ARMH1: variants seen among roughly 807,000 people sequenced by gnomAD.
The protein encoded by ARMH1 is armadillo-like helical domain containing protein 1.
In ARMH1, 34 loss-of-function variants were observed where a neutral mutation model predicts 50.2. That is an observed-to-expected ratio of 0.68 (90% CI 0.51 to 0.90). The LOEUF (loss-of-function observed/expected upper bound fraction) is 0.90. ARMH1 is among the 40% of genes least tolerant of loss of function. ARMH1 has a pLI of 0.00. For missense variants in ARMH1, 538 were observed against 553.9 expected (o/e 0.97, Z 0.29); for synonymous variants, 221 against 224.2 (o/e 0.99, Z 0.13).
chr1:44,723,390 GCTGGA>G (rs1260579693), intron 6 of ARMH1, among the ~76,000 whole-genome samples: 17 of 152,306 alleles, frequency 1.1e-4, no homozygotes, highest in Non-Finnish European at 4.4e-5. Flanking sequence ...CTGAGTGAAT[GCTGGA>G]CTGAATGAAT....
chr1:44,681,882 A>G lies in ARMH1; in HGVS notation c.-23+7009A>G, dbSNP rs1437327726. On this transcript the variant is annotated intron_variant, in intron 1 of 11. Transcript: ENST00000535358. The surrounding 1 kb of genome is among the most constrained non-coding windows in gnomAD (Gnocchi z 4.3). The stretch of plus-strand genomic sequence containing the variant: ...TGGGTATGAAAGCTGTGTTGGTTGG[A>G]GGTGAAAGCGGGAGGTCGCTGGAGT... Among the ~76,000 whole-genome samples, 1 of 151,916 alleles carries G rather than the reference A, an allele frequency of 6.6e-6. No individual in the cohort carries two copies. The highest frequency in any genetic ancestry group is 1.5e-5 in the Non-Finnish European group (1 of 67,956).
rs1404771163 is a variant in ARMH1 at position 44,681,180 on chromosome 1, A to G, written c.-23+6307A>G. On this transcript the variant is annotated intron_variant, in intron 1 of 11. Coordinates refer to ENST00000535358, the MANE Select transcript of ARMH1 (RefSeq NM_001145636.2). The surrounding 1 kb of genome is among the most constrained non-coding windows in gnomAD (Gnocchi z 4.3). Reference sequence around the variant, plus strand: ...CGGCTAACTTTTTGTATTTTTTAGTAGAGAGGGGGTTTCACCGTGTTAGCC... The same window carrying G: ...CGGCTAACTTTTTGTATTTTTTAGTGGAGAGGGGGTTTCACCGTGTTAGCC... Among the ~76,000 whole-genome samples the G allele has an allele frequency of 6.6e-6, 1 of 151,948 alleles. No homozygotes were observed. Among genetic ancestry groups the G allele is most frequent in the Non-Finnish European group, 1.5e-5 (1 of 67,964 alleles).
chr1:44,724,773 G>C lies in ARMH1; in HGVS notation c.1062G>C (p.Gln354His), dbSNP rs1648022416. ...LASLTLECFVQMFPLVAEHVR... is the reference protein window; with the variant it reads ...LASLTLECFVHMFPLVAEHVR... ...CCCGCGCGGCGCAGTGCTTCGTGCA[G>C]ATGTTCCCCTTGGTGGCGGAGCACG... The change falls in exon 10 of 12, where the codon CAG becomes CAC. Residue 354 changes from glutamine to histidine, a missense_variant. Physicochemically the swap from Gln to His is conservative, Grantham distance 24. Transcript: ENST00000535358. This position sits in a 1 kb window ranked among gnomAD's most constrained non-coding sequence, Gnocchi z 6.4. 1.3e-6 allele frequency: 2 copies of C among 1,544,128 alleles called. No homozygotes were observed. The highest frequency in any genetic ancestry group is 1.7e-6 in the Non-Finnish European group (2 of 1,146,682).
chr1:44,709,504 C>G (rs367853478), intron 6 of ARMH1, among the ~76,000 whole-genome samples: 10 of 152,110 alleles, frequency 6.6e-5, no homozygotes, highest in Non-Finnish European at 8.8e-5. Context: ...AACCCCATCT[C>G]TACTAAAAAT....
At chr1:44,710,456 A>G (rs1455424909) in intron 6 of ARMH1, among the ~76,000 whole-genome samples, 1 of 151,870 alleles carries the variant, frequency 6.6e-6, no homozygotes, top group Admixed American at 6.6e-5. Context: ...AAAAATACAA[A>G]AAATTAGCCG....
rs559702667 is a variant in ARMH1, at chr1:44,719,434, C to T, written c.725-4688C>T. On this transcript the variant is annotated intron_variant, in intron 6 of 11. Coordinates refer to ENST00000535358, the MANE Select transcript of ARMH1 (RefSeq NM_001145636.2). Reference sequence around the variant, plus strand: ...CCAGCCAAAACTCATTCTCTTCTTCCTGCCGAAGGGCACTCTGAGCCCTGG... The same window carrying T: ...CCAGCCAAAACTCATTCTCTTCTTCTTGCCGAAGGGCACTCTGAGCCCTGG... 2.0e-5 allele frequency among the ~76,000 whole-genome samples: 3 copies of T among 152,294 alleles called. No individual in the cohort carries two copies. The South Asian group carries it at 6.2e-4, about 32-fold the overall frequency.
At chr1:44,702,492 T>A (rs936943561) in intron 5 of ARMH1, among the ~76,000 whole-genome samples, 4 of 151,922 alleles carry the variant, frequency 2.6e-5, no homozygotes, top group Admixed American at 6.6e-5. Context: ...GGTGGGTGGA[T>A]CATGAGGTCA....
chr1:44,683,131 G>A lies in ARMH1; in HGVS notation c.-22-6545G>A, dbSNP rs1645365868. Among the ~76,000 whole-genome samples the A allele has an allele frequency of 6.6e-6, 1 of 152,164 alleles. No individual in the cohort carries two copies. The highest frequency in any genetic ancestry group is 6.6e-5 in the Admixed American group (1 of 15,264). On this transcript the variant is annotated intron_variant, in intron 1 of 11. Coordinates refer to ENST00000535358, the MANE Select transcript of ARMH1 (RefSeq NM_001145636.2). This position sits in a 1 kb window ranked among gnomAD's most constrained non-coding sequence, Gnocchi z 4.2. Reference sequence around the variant, plus strand: ...TAGGACATGTAATTGGCAGGAGCTGGCAACAGTTCAGATGAGGGCAAGGGA... The same window carrying A: ...TAGGACATGTAATTGGCAGGAGCTGACAACAGTTCAGATGAGGGCAAGGGA...
chr1:44,723,361 A>T (rs558362114), intron 6 of ARMH1, among the ~76,000 whole-genome samples: 9 of 152,192 alleles, frequency 5.9e-5, no homozygotes, highest in African/African-American at 2.2e-4. Flanking sequence ...AGGCGTTCAC[A>T]TGCAGCCGTG....
chr1:44,687,480 G>A lies in ARMH1; in HGVS notation c.-22-2196G>A, dbSNP rs535775977. ...TTTGGAAATACAGGGGTAAACAGCAGAAAAAATAGCCAAAAGAGTTTAAAG... is the reference window on the plus strand; with the variant it reads ...TTTGGAAATACAGGGGTAAACAGCAAAAAAAATAGCCAAAAGAGTTTAAAG... On this transcript the variant is annotated intron_variant, in intron 1 of 11. Coordinates refer to ENST00000535358, the MANE Select transcript of ARMH1 (RefSeq NM_001145636.2). Among the ~76,000 whole-genome samples the A allele has an allele frequency of 8.1e-4, 123 of 152,298 alleles. 1 individual carries two copies. The highest frequency in any genetic ancestry group is 2.9e-3 in the African/African-American group (121 of 41,568).
intron 6 of ARMH1, among the ~76,000 whole-genome samples, chr1:44,719,350 G>A (rs1291280682): frequency 2.6e-5 from 4 of 152,186 alleles, no homozygotes; most frequent in Admixed American, 2.0e-4. Context: ...GGGCAATTTC[G>A]AGGAGGCAGG....
In ARMH1 at chr1:44,724,663, C is replaced by A; in HGVS notation, c.1045C>A (p.Leu349Met). The A allele has an allele frequency of 1.3e-6, 2 of 1,494,070 alleles. No individual in the cohort carries two copies. The highest frequency in any genetic ancestry group is 8.9e-7 in the Non-Finnish European group (1 of 1,127,754). 92.6% of individuals were successfully genotyped at this position (1,494,070 alleles called of 1,614,324 possible). The change falls in exon 9 of 12, where the codon CTG (leucine) becomes ATG (methionine). Residue 349 changes from leucine to methionine, a missense_variant. Coordinates refer to ENST00000535358, the MANE Select transcript of ARMH1 (RefSeq NM_001145636.2). The surrounding 1 kb of genome is among the most constrained non-coding windows in gnomAD (Gnocchi z 6.4). ...SNSQRLASLT[L>M]ECFVQMFPLV... ...CAGCCAGCGGCTGGCCAGCCTCACG[C>A]TGGAGGTGCGCGCGGCGGCTGGTTA... is the stretch of plus-strand genomic sequence containing the variant.
chr1:44,721,593 A>G (rs187947150), intron 6 of ARMH1, among the ~76,000 whole-genome samples: 1 of 152,292 alleles, frequency 6.6e-6, no homozygotes, highest in East Asian at 1.9e-4. Flanking sequence ...GCCGGGCACT[A>G]CAAAAAGTAC....
chr1:44,715,423 C>G (rs1646812184), intron 6 of ARMH1, among the ~76,000 whole-genome samples: 1 of 152,246 alleles, frequency 6.6e-6, no homozygotes, highest in Non-Finnish European at 1.5e-5. Flanking sequence ...ATGAGATGAT[C>G]AGACCAGTGA....
chr1:44,690,575 A>G (rs931244130), intron 2 of ARMH1, among the ~76,000 whole-genome samples: 2 of 152,136 alleles, frequency 1.3e-5, no homozygotes, highest in Non-Finnish European at 2.9e-5. Context: ...TTCAGCATTT[A>G]TATATGCTGA....
In ARMH1 at chr1:44,701,081, G is replaced by A; in HGVS notation, c.601G>A (p.Ala201Thr). The A allele has an allele frequency of 6.4e-7, 1 of 1,551,714 alleles. No individual in the cohort carries two copies. Among genetic ancestry groups the A allele is most frequent in the Non-Finnish European group, 8.7e-7 (1 of 1,146,978 alleles). ...TTTGCTGCCCTGCGAGTCCCCAAAA[G>A]CCCAGCAGCTGTCCCTGCAGACTCT... is the stretch of plus-strand genomic sequence containing the variant. ...IALLPCESPK[A>T]QQLSLQTLRT... Residue 201 changes from alanine (A) to threonine (T), a missense_variant, in exon 5 of 12, where the codon GCC becomes ACC. By Grantham distance (58) the Ala-to-Thr change is moderately conservative. Transcript: ENST00000535358.
chr1:44,697,173 G>A lies in ARMH1; in HGVS notation c.275+3G>A. ...ATCTTCTTATCAGCTGTAAGCAGGTGAGTTCTGTTCTAGCGTGATTCTGGG... is the reference window on the plus strand; with the variant it reads ...ATCTTCTTATCAGCTGTAAGCAGGTAAGTTCTGTTCTAGCGTGATTCTGGG... On this transcript the variant is annotated splice_donor_region_variant and intron_variant, in intron 3 of 11. Coordinates refer to ENST00000535358, the MANE Select transcript of ARMH1 (RefSeq NM_001145636.2). The A allele has an allele frequency of 2.6e-6, 4 of 1,551,054 alleles. No homozygotes were observed. Among genetic ancestry groups the A allele is most frequent in the Non-Finnish European group, 3.5e-6 (4 of 1,146,004 alleles).
intron 6 of ARMH1, among the ~76,000 whole-genome samples, chr1:44,721,315 T>C (rs533450307): frequency 6.6e-6 from 1 of 152,144 alleles, no homozygotes; most frequent in East Asian, 1.9e-4. Flanking sequence ...AAAAGAAAAC[T>C]ATCTCTGGAA....
rs35593283 is a variant in ARMH1 at position 44,721,623 on chromosome 1, TG to T, written c.725-2498del. Reference sequence around the variant, plus strand: ...AAGTACACAAAATTAGACAGGCTTATGAGGCTGAGGTGGGAGGATTGCTTGA... The same window carrying T: ...AAGTACACAAAATTAGACAGGCTTATAGGCTGAGGTGGGAGGATTGCTTGA... On this transcript the variant is annotated intron_variant, in intron 6 of 11. Transcript: ENST00000535358. Among the ~76,000 whole-genome samples the T allele has an allele frequency of 2.4e-3, 364 of 152,214 alleles. 1 individual carries two copies. The highest frequency in any genetic ancestry group is 7.9e-3 in the African/African-American group (327 of 41,524).
Sources: gnomAD v4.1 joint callset for allele counts (sites outside exome capture counted in the v4.1 genomes callset) on GRCh38, gnomAD v4.1.1 for gene constraint, Gnocchi (gnomAD v3.1) non-coding constraint, MANE v1.5 for transcripts, NCBI Gene and HGNC (gene_info 2026-07-23, HGNC 2026-07-21) for gene names.